NAV3: variants seen among roughly 807,000 people sequenced by gnomAD.
NAV3 encodes the protein pore membrane and/or filament interacting like protein 1.
In NAV3, 87 loss-of-function variants were observed where a neutral mutation model predicts 244.7. That is an observed-to-expected ratio of 0.36 (90% CI 0.30 to 0.42). The LOEUF is 0.42. Ranked by LOEUF, NAV3 falls within the 20% of genes least tolerant of loss-of-function variation. The pLI is 1.00. For missense variants in NAV3, 2,663 were observed against 2,893.3 expected (o/e 0.92, Z 1.83); for synonymous variants, 1,126 against 1,042.2 (o/e 1.08, Z -1.55).
At chr12:77,622,518 G>C (rs772180513) in intron 2 of NAV3, among the ~76,000 whole-genome samples, 1 of 147,186 alleles carries the variant, frequency 6.8e-6, no homozygotes, top group Non-Finnish European at 1.5e-5. Context: ...GCTCTGCAGC[G>C]TGTTCATCCA....
intron 1 of NAV3, among the ~76,000 whole-genome samples, chr12:77,876,457 A>G (rs1260681728): frequency 2.6e-5 from 4 of 152,100 alleles, no homozygotes; most frequent in African/African-American, 4.8e-5. Context: ...TCTTTTTGCT[A>G]GTTTCCTAAC....
chr12:77,599,225 T>C (rs946415130), intron 2 of NAV3, among the ~76,000 whole-genome samples: 35 of 151,992 alleles, frequency 2.3e-4, no homozygotes, highest in African/African-American at 7.5e-4. Flanking sequence ...CTGCACAATA[T>C]TCAATATTCC....
chr12:77,836,943 G>C (rs895676007), intron 1 of NAV3, among the ~76,000 whole-genome samples: 1 of 152,076 alleles, frequency 6.6e-6, no homozygotes, highest in Non-Finnish European at 1.5e-5. Flanking sequence ...ATTTCTTGCT[G>C]TTGTGTTCAC....
intron 1 of NAV3, among the ~76,000 whole-genome samples, chr12:77,895,738 G>GTTT (rs11437920): frequency 4.7e-5 from 6 of 127,996 alleles, no homozygotes; most frequent in African/African-American, 5.7e-5. Context: ...GTACCCTCTT[G>GTTT]TTTTTTTTTT....
chr12:78,197,472 T>G (rs1959193265), intron 35 of NAV3, 71 bp downstream of exon 35: 1 of 1,102,032 alleles, frequency 9.1e-7, no homozygotes, highest in Non-Finnish European at 1.3e-6. Context: ...CTTGTACCTG[T>G]ATGCATTTTT....
chr12:77,995,297 T>C lies in NAV3; in HGVS notation c.740+426T>C, dbSNP rs17044671. Among the ~76,000 whole-genome samples the C allele has an allele frequency of 7.9e-3, 1,198 of 152,306 alleles. 17 individuals carry two copies. The highest frequency in any genetic ancestry group is 0.027 in the African/African-American group (1,122 of 41,574). On this transcript the variant is annotated intron_variant, in intron 6 of 39. Transcript: ENST00000397909. ...TGGCAGATTTTAGTGGGGAAGTTAG[T>C]ACCAGGTCAGTCTGGACTGTTCTTC...
intron 1 of NAV3, among the ~76,000 whole-genome samples, chr12:77,930,660 C>G (rs1247233813): frequency 3.3e-5 from 5 of 152,142 alleles, no homozygotes; most frequent in Admixed American, 2.0e-4. Context: ...GTCTTTGCCT[C>G]TCTCTTACAT....
intron 12 of NAV3, among the ~76,000 whole-genome samples, chr12:78,067,556 A>T (rs1885166434): frequency 6.6e-6 from 1 of 152,052 alleles, no homozygotes; most frequent in African/African-American, 2.4e-5. Flanking sequence ...CTTTTTTATA[A>T]TGCCCCTTAG....
At chr12:77,961,364 TATA>T (rs1465295548) in intron 3 of NAV3, among the ~76,000 whole-genome samples, 1 of 141,530 alleles carries the variant, frequency 7.1e-6, no homozygotes, top group Admixed American at 7.3e-5. Flanking sequence ...ATATATGTAA[TATA>T]ATAAATATAT....
chr12:77,947,531 G>C (rs1428676268), intron 3 of NAV3: 1 of 151,362 alleles, frequency 6.6e-6, no homozygotes, highest in African/African-American at 2.4e-5. Context: ...CTGCAAAATT[G>C]TAGCACTATG....
chr12:77,655,256 C>A (rs1182975741), intron 2 of NAV3, among the ~76,000 whole-genome samples: 1 of 152,014 alleles, frequency 6.6e-6, no homozygotes, highest in Non-Finnish European at 1.5e-5. Context: ...CAGAGAAGTG[C>A]TTAAAGGAGC....
At chr12:77,812,219 C>T (rs1001955392) in intron 2 of NAV3, among the ~76,000 whole-genome samples, 1 of 152,042 alleles carries the variant, frequency 6.6e-6, no homozygotes, top group African/African-American at 2.4e-5. Flanking sequence ...ACCTTATGCC[C>T]TCCTTGGACT....
intron 2 of NAV3, among the ~76,000 whole-genome samples, chr12:77,622,127 A>G (rs1871397340): frequency 6.6e-6 from 1 of 152,060 alleles, no homozygotes; most frequent in Non-Finnish European, 1.5e-5. Flanking sequence ...CAGGAAACTC[A>G]TAGCCTCTGA....
chr12:78,036,714 A>G (rs1566044141), intron 9 of NAV3: 3 of 575,522 alleles, frequency 5.2e-6, no homozygotes, highest in Middle Eastern at 4.5e-4. Context: ...ATAATTATAT[A>G]TACTATATCT....
intron 1 of NAV3, among the ~76,000 whole-genome samples, chr12:77,868,281 G>A (rs557028340): frequency 6.6e-6 from 1 of 152,096 alleles, no homozygotes; most frequent in East Asian, 1.9e-4. Flanking sequence ...AATTGTATGA[G>A]TGCCTTAAAT....
chr12:77,968,374 G>A lies in NAV3; in HGVS notation c.488-145G>A, dbSNP rs191886156. The A allele has an allele frequency of 2.0e-5, 13 of 655,180 alleles. No homozygotes were observed. In the East Asian group the frequency reaches 2.2e-4, roughly 11 times the overall value. 40.6% of individuals were successfully genotyped at this position (655,180 alleles called of 1,614,324 possible). ...ATGTTAACATGTTTCAGAAATTCAGGTTTGTTTGTGATTCAACTGTGACTG... is the reference window on the plus strand; with the variant it reads ...ATGTTAACATGTTTCAGAAATTCAGATTTGTTTGTGATTCAACTGTGACTG... On this transcript the variant is annotated intron_variant, in intron 4 of 39. Transcript: ENST00000397909.
At chr12:77,766,735 G>GTTTGTTTGTTTTTTTTTTT (rs1555202961) in intron 2 of NAV3, among the ~76,000 whole-genome samples, 10 of 60,516 alleles carry the variant, frequency 1.7e-4, no homozygotes, top group Admixed American at 2.4e-4. Context: ...AGGCAATTAA[G>GTTTGTTTGTTTTTTTTTTT]TTTTTTTTTT....
At chr12:77,729,073 A>T (rs1877011188) in intron 2 of NAV3, among the ~76,000 whole-genome samples, 1 of 152,054 alleles carries the variant, frequency 6.6e-6, no homozygotes, top group South Asian at 2.1e-4. Flanking sequence ...AACATGCAAA[A>T]TATATGTTAA....
intron 2 of NAV3, among the ~76,000 whole-genome samples, chr12:77,820,029 ATGAT>A (rs1261745175): frequency 6.6e-6 from 1 of 152,150 alleles, no homozygotes; most frequent in African/African-American, 2.4e-5. Context: ...TCTAAGAAAA[ATGAT>A]TGGCTAAAGA....
Sources: gnomAD v4.1 joint callset for allele counts (sites outside exome capture counted in the v4.1 genomes callset) on GRCh38, gnomAD v4.1.1 for gene constraint, MANE v1.5 for transcripts, NCBI Gene and HGNC (gene_info 2026-07-23, HGNC 2026-07-21) for gene names.